ULK4: variants seen among roughly 807,000 people sequenced by gnomAD.
The protein encoded by ULK4 is unc-51 like kinase 4, also known as inactive serine/threonine-protein kinase ULK4.
Under a neutral mutation model 160.6 loss-of-function variants are expected in ULK4, and 133 were observed. The observed-to-expected ratio is 0.83, with a 90% CI of 0.72 to 0.96. The LOEUF is 0.96. Among genes scored for constraint, ULK4 ranks in the 40% least tolerant of loss-of-function variants. The pLI is 0.00. For missense variants in ULK4, 1,580 were observed against 1,499.5 expected, an observed-to-expected ratio of 1.05 and a Z score of -0.89; for synonymous variants, 534 against 539.8, an observed-to-expected ratio of 0.99 and a Z score of 0.15.
intron 4 of ULK4, among the ~76,000 whole-genome samples, chr3:41,935,508 C>A (rs895712930): frequency 6.6e-6 from 1 of 151,858 alleles, no homozygotes; most frequent in African/African-American, 2.4e-5. Flanking sequence ...GGATTATAGG[C>A]GTGAGCCACC....
intron 17 of ULK4, among the ~76,000 whole-genome samples, chr3:41,867,358 G>A (rs1696931441): frequency 6.6e-6 from 1 of 152,170 alleles, no homozygotes; most frequent in South Asian, 2.1e-4. Context: ...AGAAACTTTG[G>A]AGGTGGGGTC....
At chr3:41,650,722 A>T (rs1157150865) in intron 30 of ULK4, among the ~76,000 whole-genome samples, 1 of 152,242 alleles carries the variant, frequency 6.6e-6, no homozygotes, top group African/African-American at 2.4e-5. Context: ...AGCAGGCCAG[A>T]GCAAAACTCA....
At chr3:41,413,459 T>C (rs1280007035) in intron 34 of ULK4, among the ~76,000 whole-genome samples, 1 of 152,228 alleles carries the variant, frequency 6.6e-6, no homozygotes, top group Non-Finnish European at 1.5e-5. Context: ...TTGATAAAAC[T>C]GACTTCATCT....
intron 11 of ULK4, among the ~76,000 whole-genome samples, chr3:41,910,084 C>T (rs13087719): frequency 0.68 from 103,658 of 151,752 alleles, 39,037 homozygotes; most frequent in East Asian, 0.84. Flanking sequence ...TTAGCAGAGA[C>T]GGGTTTTCGC....
At chr3:41,376,027 A>T (rs2081482541) in intron 35 of ULK4, among the ~76,000 whole-genome samples, 1 of 150,410 alleles carries the variant, frequency 6.6e-6, no homozygotes, top group Admixed American at 6.6e-5. Context: ...ATAAACATAT[A>T]AAAAAAGCTC....
chr3:41,623,478 T>C (rs1474406260), intron 30 of ULK4, among the ~76,000 whole-genome samples: 2 of 152,182 alleles, frequency 1.3e-5, no homozygotes, highest in Non-Finnish European at 2.9e-5. Flanking sequence ...TGACCATCAC[T>C]GGGTGAATGA....
At position 41,819,521 on chromosome 3, in the gene ULK4, G is replaced by A. The variant is rs1559577914; in HGVS notation, c.1765-15C>T. The A allele has an allele frequency of 1.1e-5, 18 of 1,575,126 alleles. No individual in the cohort carries two copies. The highest frequency in any genetic ancestry group is 9.3e-5 in the South Asian group (8 of 85,716). ...TTTTTTTCTTCCTAAAATGAAGTGG[G>A]AAAAAAAAAGGCAGTGAAGCTAACA... On this transcript the variant is annotated splice_polypyrimidine_tract_variant and intron_variant, in intron 18 of 36. Transcript: ENST00000301831.
At chr3:41,640,238 C>T (rs940489925) in intron 30 of ULK4, among the ~76,000 whole-genome samples, 10 of 152,144 alleles carry the variant, frequency 6.6e-5, no homozygotes, top group Non-Finnish European at 1.3e-4. Context: ...CTCATACATA[C>T]AAAACTGTAG....
chr3:41,246,974 C>A lies in ULK4; in HGVS notation c.3783G>T (p.Ala1261=), dbSNP rs772266649. Residue 1261 remains alanine, a synonymous_variant, in exon 37 of 37, where the codon GCG becomes GCT. Coordinates refer to ENST00000301831, the MANE Select transcript of ULK4 (RefSeq NM_017886.4). ...GGATTTCCAGGGCCAAGGGAGCCAC[C>A]GCACTGTCGGCAAATGAACTGTAAG... The part of the protein sequence containing the change: ...APGSGSFADS[A]VAPLALEILQ... 6.2e-7 allele frequency: 1 copy of A among 1,613,802 alleles called. No individual in the cohort carries two copies. The highest frequency in any genetic ancestry group is 1.3e-5 in the African/African-American group (1 of 74,944).
In ULK4 at chr3:41,268,736, T is replaced by G. The variant is rs2079087157; in HGVS notation, c.3679-19162A>C. Among the ~76,000 whole-genome samples, 5 of 137,252 alleles carry G rather than the reference T, an allele frequency of 3.6e-5. No individual in the cohort carries two copies. In the South Asian group the frequency reaches 1.1e-3, roughly 31 times the overall value. The allele number at this position is 137,252 out of a possible 152,430, so 90.0% of individuals were successfully genotyped here. A position where few individuals can be genotyped will look rare whatever the true frequency, so the allele number is the denominator to read the frequency against. ...CAGGAGAACGCTTGAACCCGGGAGATGGAGGCTGCAGTGAGCCGAGATCGC... is the reference window on the plus strand; with the variant it reads ...CAGGAGAACGCTTGAACCCGGGAGAGGGAGGCTGCAGTGAGCCGAGATCGC... On this transcript the variant is annotated intron_variant, in intron 35 of 36. Transcript: ENST00000301831.
At position 41,605,254 on chromosome 3, in the gene ULK4, T is replaced by C. The variant is rs185906012; in HGVS notation, c.3120+10415A>G. ...GAAAACTAGTAGTAAGATTTAAATA[T>C]AATAATATCAAAAATTGTATTAAAT... is the stretch of plus-strand genomic sequence containing the variant. On this transcript the variant is annotated intron_variant, in intron 31 of 36. Transcript: ENST00000301831. 1.8e-4 allele frequency among the ~76,000 whole-genome samples: 28 copies of C among 152,000 alleles called. No individual in the cohort carries two copies. In the East Asian group the frequency reaches 4.6e-3, roughly 25 times the overall value.
intron 30 of ULK4, among the ~76,000 whole-genome samples, chr3:41,645,519 T>C (rs1387900192): frequency 2.6e-5 from 4 of 152,256 alleles, no homozygotes; most frequent in Non-Finnish European, 5.9e-5. Flanking sequence ...AGTTTCTTAA[T>C]CCTCAGTTCT....
At chr3:41,490,073 G>A (rs1461485282) in intron 32 of ULK4, among the ~76,000 whole-genome samples, 3 of 152,120 alleles carry the variant, frequency 2.0e-5, no homozygotes, top group African/African-American at 4.8e-5. Flanking sequence ...TCCTGACTGT[G>A]CCCCTTTTGC....
chr3:41,599,637 T>C (rs2031932314), intron 31 of ULK4, among the ~76,000 whole-genome samples: 1 of 149,070 alleles, frequency 6.7e-6, no homozygotes, highest in Admixed American at 6.8e-5. Flanking sequence ...CGATCTCGGC[T>C]CACTGCAACC....
At chr3:41,643,185 C>G (rs1444687265) in intron 30 of ULK4, among the ~76,000 whole-genome samples, 9 of 152,084 alleles carry the variant, frequency 5.9e-5, no homozygotes, top group Non-Finnish European at 1.2e-4. Flanking sequence ...TGCAGAAGCC[C>G]TTTAGTTTAA....
chr3:41,249,910 A>G (rs2078714067), intron 35 of ULK4, among the ~76,000 whole-genome samples: 1 of 152,144 alleles, frequency 6.6e-6, no homozygotes, highest in African/African-American at 2.4e-5. Context: ...AAGCAAAACT[A>G]CTTTTTCTGT....
At chr3:41,366,428 TTA>T (rs2081255461) in intron 35 of ULK4, among the ~76,000 whole-genome samples, 1 of 152,114 alleles carries the variant, frequency 6.6e-6, no homozygotes, top group Admixed American at 6.6e-5. Flanking sequence ...AGCATACATT[TTA>T]TGTTTTAACA....
chr3:41,328,722 G>C (rs1466207794), intron 35 of ULK4, among the ~76,000 whole-genome samples: 1 of 151,976 alleles, frequency 6.6e-6, no homozygotes, highest in South Asian at 2.1e-4. Context: ...TACAGTTCTC[G>C]GGATTGAACT....
Position 41,883,919 on chromosome 3 carries a change from C to T in ULK4, c.1611G>A (p.Leu537=), listed in dbSNP as rs1412192997. 4 of 1,610,808 alleles carry T rather than the reference C, an allele frequency of 2.5e-6. No homozygotes were observed. Among genetic ancestry groups the T allele is most frequent in the Admixed American group, 1.7e-5 (1 of 60,006 alleles). ...RAKVAHVIGL[L]ASHTAELQEN... is the part of the protein sequence containing the mutation. ...CCTGGAGCTCAGCTGTGTGCGAAGC[C>T]AGTAAACCAATTACGTGAGCAACCT... Residue 537 remains leucine, a synonymous_variant, in exon 17 of 37, where the codon CTG becomes CTA. Coordinates refer to ENST00000301831, the MANE Select transcript of ULK4 (RefSeq NM_017886.4).
Sources: allele counts gnomAD v4.1 joint callset (sites outside exome capture counted in the v4.1 genomes callset), GRCh38; gene constraint gnomAD v4.1.1; transcripts MANE v1.5; gene names NCBI Gene and HGNC (gene_info 2026-07-23, HGNC 2026-07-21).